ZNF654: variants seen among roughly 807,000 people sequenced by gnomAD.
ZNF654 encodes zinc finger protein 654, also known as melanoma-associated antigen.
Under a neutral mutation model 95.3 loss-of-function variants are expected in ZNF654, and 19 were observed. The ratio of observed to expected loss-of-function variants is 0.20; its 90% CI spans 0.14 to 0.29. The LOEUF (loss-of-function observed/expected upper bound fraction) is 0.29, where lower values mean the gene tolerates loss of function less well. ZNF654 is among the 10% of genes least tolerant of loss of function. The pLI is 1.00. For synonymous variants in ZNF654, 413 were observed against 457.9 expected, an observed-to-expected ratio of 0.90 and a Z score of 1.25; for missense variants, 1,046 against 1,341.0, an observed-to-expected ratio of 0.78 and a Z score of 3.44.
At chr3:88,112,057 G>T (rs1705123943) in intron 2 of ZNF654, among the ~76,000 whole-genome samples, 1 of 151,806 alleles carries the variant, frequency 6.6e-6, no homozygotes, top group African/African-American at 2.4e-5. Context: ...ATATTTTTCA[G>T]TGTATCAGTT....
chr3:88,140,555 C>T lies in ZNF654; in HGVS notation c.2886C>T (p.Asp962=), dbSNP rs1707059929. The T allele has an allele frequency of 6.2e-7, 1 of 1,613,562 alleles. No homozygotes were observed. The highest frequency in any genetic ancestry group is 1.7e-5 in the Admixed American group (1 of 59,968). Residue 962 remains aspartate (D), a synonymous_variant, in exon 8 of 9, where the codon GAC becomes GAT. Coordinates refer to ENST00000636215, the MANE Select transcript of ZNF654 (RefSeq NM_001350134.2). ...NISLIDQKMP[D]IEPNSENNCS... Reference sequence around the variant, plus strand: ...GCTTGATAGACCAAAAGATGCCTGACATAGAGCCAAATTCTGAAAATAATT... The same window carrying T: ...GCTTGATAGACCAAAAGATGCCTGATATAGAGCCAAATTCTGAAAATAATT...
chr3:88,116,537 A>G (rs916947718), intron 3 of ZNF654, among the ~76,000 whole-genome samples: 7 of 119,990 alleles, frequency 5.8e-5, no homozygotes, highest in Non-Finnish European at 1.2e-4. Flanking sequence ...AAGAAAAAAA[A>G]ATACATACAT....
At chr3:88,092,899 T>A (rs1703831068) in intron 2 of ZNF654, among the ~76,000 whole-genome samples, 1 of 152,066 alleles carries the variant, frequency 6.6e-6, no homozygotes, top group Non-Finnish European at 1.5e-5. Flanking sequence ...AAAATTAGAG[T>A]TTTGCTAGTG....
At chr3:88,107,703 C>T (rs1704829385) in intron 2 of ZNF654, among the ~76,000 whole-genome samples, 2 of 152,070 alleles carry the variant, frequency 1.3e-5, no homozygotes, top group Admixed American at 6.5e-5. Flanking sequence ...GATAATTTTT[C>T]AGATTTTTTC....
chr3:88,114,659 C>T (rs541361100), intron 3 of ZNF654, among the ~76,000 whole-genome samples: 8 of 152,082 alleles, frequency 5.3e-5, no homozygotes, highest in Non-Finnish European at 1.2e-4. Flanking sequence ...TTTCCTTGAG[C>T]CTCTAACTCC....
At chr3:88,083,042 A>C (rs574699845) in intron 1 of ZNF654, among the ~76,000 whole-genome samples, 103 of 122,082 alleles carry the variant, frequency 8.4e-4, no homozygotes, top group Middle Eastern at 4.1e-3. Context: ...ACTCCTCCTC[A>C]CTCCTCCTCC....
intron 1 of ZNF654, among the ~76,000 whole-genome samples, chr3:88,083,015 C>T (rs1708158786): frequency 6.6e-6 from 1 of 151,658 alleles, no homozygotes; most frequent in South Asian, 2.1e-4. Flanking sequence ...TTCTCCTTTT[C>T]CTCCCTCCCC....
chr3:88,123,036 A>C (rs2107807010), intron 3 of ZNF654, among the ~76,000 whole-genome samples: 1 of 151,876 alleles, frequency 6.6e-6, no homozygotes, highest in Non-Finnish European at 1.5e-5. Context: ...AGTAAAAAGA[A>C]AAAAAGAAAA....
intron 1 of ZNF654, among the ~76,000 whole-genome samples, chr3:88,065,889 A>G (rs947272689): frequency 2.6e-5 from 4 of 152,106 alleles, no homozygotes; most frequent in Non-Finnish European, 5.9e-5. Context: ...GTGCACCACC[A>G]TGCCCGGCTA....
chr3:88,075,123 A>G (rs1225624167), intron 1 of ZNF654, among the ~76,000 whole-genome samples: 1 of 152,034 alleles, frequency 6.6e-6, no homozygotes, highest in Non-Finnish European at 1.5e-5. Context: ...TTATATTTCC[A>G]TCATATTAAA....
intron 2 of ZNF654, among the ~76,000 whole-genome samples, chr3:88,103,227 G>A (rs763538691): frequency 3.9e-5 from 6 of 152,068 alleles, no homozygotes; most frequent in Non-Finnish European, 7.4e-5. Context: ...ACTAGATCCC[G>A]ATATAAAGGC....
chr3:88,078,247 G>A (rs1050612582), intron 1 of ZNF654, among the ~76,000 whole-genome samples: 2 of 151,988 alleles, frequency 1.3e-5, no homozygotes, highest in African/African-American at 4.8e-5. Context: ...TAAATCAACT[G>A]GTATGAATGA....
chr3:88,117,021 T>C (rs1162734924), intron 3 of ZNF654, among the ~76,000 whole-genome samples: 1 of 152,164 alleles, frequency 6.6e-6, no homozygotes, highest in Non-Finnish European at 1.5e-5. Context: ...TGTTACGTTT[T>C]TGCTGAGGTT....
At chr3:88,095,457 G>A (rs779109831) in intron 2 of ZNF654, 6 of 372,766 alleles carry the variant, frequency 1.6e-5, no homozygotes, top group South Asian at 2.2e-5. Context: ...CTCAAGGTAC[G>A]CATGCAACAT....
chr3:88,110,334 G>A (rs1705012612), intron 2 of ZNF654, among the ~76,000 whole-genome samples: 1 of 152,052 alleles, frequency 6.6e-6, no homozygotes, highest in Non-Finnish European at 1.5e-5. Context: ...CCTATAATAG[G>A]TCTGTGTTGT....
intron 1 of ZNF654, among the ~76,000 whole-genome samples, chr3:88,080,143 G>C (rs1388738108): frequency 2.0e-5 from 3 of 152,032 alleles, no homozygotes; most frequent in Non-Finnish European, 4.4e-5. Context: ...CTGTATGTAG[G>C]ATATGCATTG....
chr3:88,120,580 T>C (rs540187122), intron 3 of ZNF654, among the ~76,000 whole-genome samples: 20 of 152,256 alleles, frequency 1.3e-4, no homozygotes, highest in African/African-American at 4.6e-4. Flanking sequence ...ACATGAGTTT[T>C]ACATTCAGCC....
At chr3:88,106,731 A>G (rs1380314772) in intron 2 of ZNF654, among the ~76,000 whole-genome samples, 2 of 152,132 alleles carry the variant, frequency 1.3e-5, no homozygotes, top group Non-Finnish European at 1.5e-5. Flanking sequence ...TGTAATTAAA[A>G]TATGTTAATG....
Position 88,129,783 on chromosome 3 carries a change from T to C in ZNF654, c.850T>C (p.Phe284Leu), listed in dbSNP as rs572790536. 483 of 1,527,240 alleles carry C rather than the reference T, an allele frequency of 3.2e-4. 1 individual carries two copies. Among genetic ancestry groups the C allele is most frequent in the Non-Finnish European group, 4.1e-4 (468 of 1,140,878 alleles). The allele number at this position is 1,527,240 out of a possible 1,614,324, so 94.6% of individuals were successfully genotyped here. A position where few individuals can be genotyped will look rare whatever the true frequency, so the allele number is the denominator to read the frequency against. Residue 284 changes from phenylalanine (F) to leucine (L), a missense_variant, in exon 6 of 9, where the codon TTT becomes CTT. Around this residue, in one of 9 missense-constraint regions of ZNF654, gnomAD observed 121 missense variants for 141.7 expected, o/e 0.85. Coordinates refer to ENST00000636215, the MANE Select transcript of ZNF654 (RefSeq NM_001350134.2). ...TMLALQLCESFLIPQLQNGDM... is the reference protein window; with the variant it reads ...TMLALQLCESLLIPQLQNGDM... ...GTTAGCCTTGCAACTCTGTGAATCCTTTCTTATTCCACAGCTCCAGAATGG... is the reference window on the plus strand; with the variant it reads ...GTTAGCCTTGCAACTCTGTGAATCCCTTCTTATTCCACAGCTCCAGAATGG...
Sources: allele counts gnomAD v4.1 joint callset (sites outside exome capture counted in the v4.1 genomes callset), GRCh38; gene constraint gnomAD v4.1.1; regional missense constraint gnomAD v4.1.1; transcripts MANE v1.5; gene names NCBI Gene and HGNC (gene_info 2026-07-23, HGNC 2026-07-21).